MTFR1: variants seen among roughly 807,000 people sequenced by gnomAD.
MTFR1 encodes the protein mitochondrial fission regulator 1, also known as chondrocyte protein with a poly-proline region.
MTFR1 carries 28 observed loss-of-function variants against 38.8 expected under a neutral mutation model. The observed-to-expected ratio is 0.72, with a 90% CI of 0.53 to 0.99. The LOEUF (loss-of-function observed/expected upper bound fraction) is 0.99, where lower values mean the gene tolerates loss of function less well. Ranked by LOEUF, MTFR1 falls within the 50% of genes least tolerant of loss-of-function variation. MTFR1 has a pLI of 0.00. For missense variants in MTFR1, 358 were observed against 395.5 expected, an observed-to-expected ratio of 0.91 and a Z score of 0.81; for synonymous variants, 145 against 137.0, an observed-to-expected ratio of 1.06 and a Z score of -0.41.
chr8:65,723,621 C>A, intron 3 of MTFR1: 1 of 1,540,688 alleles, frequency 6.5e-7, no homozygotes, highest in Non-Finnish European at 8.7e-7. Context: ...TTCTATATCT[C>A]CTATAAATTA....
At chr8:65,666,736 G>A (rs905857054) in intron 1 of MTFR1, among the ~76,000 whole-genome samples, 38 of 152,116 alleles carry the variant, frequency 2.5e-4, no homozygotes, top group Admixed American at 9.2e-4. Context: ...AAGTTAGCTC[G>A]TTATTAATAT....
chr8:65,729,726 CTT>C (rs34749293), intron 3 of MTFR1, among the ~76,000 whole-genome samples: 5 of 140,694 alleles, frequency 3.6e-5, no homozygotes, highest in Admixed American at 7.1e-5. Flanking sequence ...CCATGCCTGA[CTT>C]TTTTTTTTTT....
At chr8:65,771,040 A>G (rs1809061844) in exon 4 of MTFR1, 1 of 384,810 alleles carries the variant, frequency 2.6e-6, no homozygotes, top group Non-Finnish European at 5.1e-6. Flanking sequence ...AATAAGGACT[A>G]TGACAAAAAC....
intron 3 of MTFR1, chr8:65,721,851 C>T (rs946225573): frequency 6.1e-5 from 9 of 148,076 alleles, no homozygotes; most frequent in African/African-American, 2.3e-4. Flanking sequence ...TTCTGTCACC[C>T]AGGCTGGAAT....
At chr8:65,718,384 C>T (rs1190698800) in intron 2 of MTFR1, 3 of 152,246 alleles carry the variant, frequency 2.0e-5, no homozygotes, top group African/African-American at 7.2e-5. Flanking sequence ...ACTCTCCCAT[C>T]CCACTTTTAT....
chr8:65,731,220 C>T (rs1806873452), intron 3 of MTFR1, among the ~76,000 whole-genome samples: 1 of 152,160 alleles, frequency 6.6e-6, no homozygotes, highest in African/African-American at 2.4e-5. Flanking sequence ...TAGCAATTAG[C>T]ATCTACTCAG....
At chr8:65,703,395 G>A (rs1159901874) in intron 4 of MTFR1, among the ~76,000 whole-genome samples, 1 of 128,102 alleles carries the variant, frequency 7.8e-6, no homozygotes. Flanking sequence ...TCTGTTTTTG[G>A]TACATCCATG....
chr8:65,776,847 C>A, the MTFR1 span, among the ~76,000 whole-genome samples: 4 of 152,002 alleles, frequency 2.6e-5, no homozygotes, highest in Non-Finnish European at 5.9e-5. Context: ...CTTTTCATTT[C>A]TTTTTCTTGC....
chr8:65,749,274 C>T (rs1408722811), intron 3 of MTFR1, among the ~76,000 whole-genome samples: 1 of 152,156 alleles, frequency 6.6e-6, no homozygotes, highest in African/African-American at 2.4e-5. Flanking sequence ...TAATGCAAAG[C>T]ATATAGTAAG....
intron 1 of MTFR1, among the ~76,000 whole-genome samples, chr8:65,650,074 G>T (rs1401402480): frequency 6.6e-6 from 1 of 151,894 alleles, no homozygotes; most frequent in Non-Finnish European, 1.5e-5. Context: ...CCCGACCTCA[G>T]GTGATCTGCC....
intron 1 of MTFR1, among the ~76,000 whole-genome samples, chr8:65,646,643 G>A (rs988671930): frequency 9.9e-5 from 15 of 152,122 alleles, no homozygotes; most frequent in Admixed American, 2.6e-4. Context: ...CGAGGCAAGA[G>A]GACCCCTTGA....
chr8:65,671,132 A>C (rs1804559472), intron 2 of MTFR1, among the ~76,000 whole-genome samples: 1 of 152,264 alleles, frequency 6.6e-6, no homozygotes. Flanking sequence ...ATCTTTGTTT[A>C]TAGCTGCATA....
chr8:65,698,559 A>G (rs760583530), intron 4 of MTFR1, among the ~76,000 whole-genome samples: 1 of 152,152 alleles, frequency 6.6e-6, no homozygotes, highest in Non-Finnish European at 1.5e-5. Flanking sequence ...TTAAAAAAAA[A>G]CTTTTAGGTT....
chr8:65,691,630 T>G (rs563059826), intron 3 of MTFR1, among the ~76,000 whole-genome samples: 1 of 152,214 alleles, frequency 6.6e-6, no homozygotes. Flanking sequence ...TTCTTAGTAC[T>G]TTATTGTTAA....
At chr8:65,703,625 G>C (rs935168820) in intron 4 of MTFR1, among the ~76,000 whole-genome samples, 1 of 151,712 alleles carries the variant, frequency 6.6e-6, no homozygotes, top group African/African-American at 2.4e-5. Flanking sequence ...GTAGAGACAG[G>C]GTTGCACCCT....
At chr8:65,667,339 G>T (rs1330559463) in intron 1 of MTFR1, among the ~76,000 whole-genome samples, 2 of 144,526 alleles carry the variant, frequency 1.4e-5, no homozygotes, top group East Asian at 1.9e-4. Flanking sequence ...AGCCAAATGT[G>T]TATACTGTTT....
At position 65,669,874 on chromosome 8, in the gene MTFR1, G is replaced by T. The variant is rs1490392934; in HGVS notation, c.-79G>T. ...AGTATTTGCATTTTAAATTTTCAGT[G>T]TGTTTTATGGACCATGTGCTGCTAT... On this transcript the variant is annotated splice_region_variant and 5_prime_UTR_variant, in exon 2 of 8. Coordinates refer to ENST00000262146, the MANE Select transcript of MTFR1 (RefSeq NM_014637.4). 2 of 1,086,964 alleles carry T rather than the reference G, an allele frequency of 1.8e-6. No individual in the cohort carries two copies. Among genetic ancestry groups the T allele is most frequent in the Non-Finnish European group, 2.7e-6 (2 of 728,422 alleles). The allele number at this position is 1,086,964 out of a possible 1,614,324, so 67.3% of individuals were successfully genotyped here.
chr8:65,762,439 C>G (rs1808545676), intron 3 of MTFR1, among the ~76,000 whole-genome samples: 1 of 152,104 alleles, frequency 6.6e-6, no homozygotes, highest in African/African-American at 2.4e-5. Flanking sequence ...GGCAGAGCAG[C>G]AAAGTACATG....
intron 3 of MTFR1, among the ~76,000 whole-genome samples, chr8:65,684,049 G>A (rs1804991214): frequency 6.6e-6 from 1 of 152,108 alleles, no homozygotes; most frequent in Admixed American, 6.6e-5. Context: ...CCAGGAAAAT[G>A]TGCTTCAGCG....
Sources: allele counts gnomAD v4.1 joint callset (sites outside exome capture counted in the v4.1 genomes callset), GRCh38; gene constraint gnomAD v4.1.1; transcripts MANE v1.5; gene names NCBI Gene and HGNC (gene_info 2026-07-23, HGNC 2026-07-21).